Variants in TTC28 observed in about 807,000 individuals in gnomAD.
The protein encoded by TTC28 is tetratricopeptide repeat protein 28.
A neutral mutation model predicts 198.0 loss-of-function variants in TTC28; 61 were observed. That is an observed-to-expected ratio of 0.31 (90% CI 0.25 to 0.38). The LOEUF (loss-of-function observed/expected upper bound fraction) is 0.38. Ranked by LOEUF, TTC28 falls within the 10% of genes least tolerant of loss-of-function variation. The pLI, the probability that TTC28 is intolerant of heterozygous loss-of-function variation, is 1.00. For missense variants in TTC28, 2,678 were observed against 3,164.0 expected (o/e 0.85, Z 3.69); for synonymous variants, 1,171 against 1,297.8 (o/e 0.90, Z 2.10).
At chr22:28,029,180 T>C (rs1436187002) in intron 13 of TTC28, 2 of 458,964 alleles carry the variant, frequency 4.4e-6, no homozygotes, top group East Asian at 1.4e-4. Flanking sequence ...GAACTAAGGG[T>C]GAACTAGCTT....
At chr22:28,229,224 G>A (rs558657334) in intron 5 of TTC28, among the ~76,000 whole-genome samples, 1 of 152,286 alleles carries the variant, frequency 6.6e-6, no homozygotes, top group East Asian at 1.9e-4. Flanking sequence ...AAGGGAAAAA[G>A]TAAGCTAATT....
chr22:28,553,975 G>A (rs1037332755), intron 2 of TTC28, among the ~76,000 whole-genome samples: 25 of 152,256 alleles, frequency 1.6e-4, no homozygotes, highest in African/African-American at 2.2e-4. Flanking sequence ...GATGGTTGCC[G>A]TGTCTGTGTA....
At chr22:28,487,822 A>T (rs980322058) in intron 2 of TTC28, among the ~76,000 whole-genome samples, 2 of 152,218 alleles carry the variant, frequency 1.3e-5, no homozygotes, top group African/African-American at 4.8e-5. Flanking sequence ...TGGAAATGAC[A>T]AATTTAATGG....
chr22:28,516,985 T>C (rs1393892963), intron 2 of TTC28, among the ~76,000 whole-genome samples: 1 of 152,190 alleles, frequency 6.6e-6, no homozygotes, highest in Non-Finnish European at 1.5e-5. Flanking sequence ...TAAATAATAC[T>C]CATTATAACT....
At chr22:28,122,987 G>A (rs1040702082) in intron 6 of TTC28, among the ~76,000 whole-genome samples, 3 of 152,142 alleles carry the variant, frequency 2.0e-5, no homozygotes, top group Non-Finnish European at 4.4e-5. Context: ...ATTGAAATGG[G>A]GTATGAAGGA....
At chr22:28,490,925 A>G (rs1233354647) in intron 2 of TTC28, among the ~76,000 whole-genome samples, 3 of 152,238 alleles carry the variant, frequency 2.0e-5, no homozygotes, top group Admixed American at 6.5e-5. Context: ...ATCACTAGAA[A>G]TGCCTCTTTG....
rs553246825 is a variant in TTC28 at position 28,613,447 on chromosome 22, A to G, written c.381+16105T>C. 5.9e-5 allele frequency among the ~76,000 whole-genome samples: 9 copies of G among 152,272 alleles called. No individual in the cohort carries two copies. In the South Asian group the frequency reaches 1.9e-3, roughly 32 times the overall value. ...AGAGGGAATCCTCCCTACCTCATTTAATGAAGCCAGCATCATCCTGATACC... is the reference window on the plus strand; with the variant it reads ...AGAGGGAATCCTCCCTACCTCATTTGATGAAGCCAGCATCATCCTGATACC... On this transcript the variant is annotated intron_variant, in intron 2 of 22. Transcript: ENST00000397906.
At chr22:28,474,128 G>T (rs1042996297) in intron 2 of TTC28, among the ~76,000 whole-genome samples, 2 of 152,068 alleles carry the variant, frequency 1.3e-5, no homozygotes, top group Admixed American at 6.6e-5. Flanking sequence ...CCACTAAAAT[G>T]ACATTTTAAA....
intron 2 of TTC28, among the ~76,000 whole-genome samples, chr22:28,452,186 C>G (rs1051612863): frequency 4.6e-5 from 7 of 151,722 alleles, no homozygotes; most frequent in East Asian, 1.9e-4. Context: ...TCAGGAGATC[C>G]AGACCATCCT....
intron 14 of TTC28, among the ~76,000 whole-genome samples, chr22:28,004,618 A>G (rs1937859445): frequency 6.6e-6 from 1 of 152,226 alleles, no homozygotes; most frequent in Non-Finnish European, 1.5e-5. Flanking sequence ...ACTCTGTGAA[A>G]TGAGGCAGGT....
intron 2 of TTC28, among the ~76,000 whole-genome samples, chr22:28,440,334 T>C (rs1479749152): frequency 6.6e-6 from 1 of 152,202 alleles, no homozygotes; most frequent in Non-Finnish European, 1.5e-5. Flanking sequence ...GTGAAAAGGT[T>C]GCAAACCCTA....
chr22:28,452,710 T>A (rs533188402), intron 2 of TTC28, among the ~76,000 whole-genome samples: 2 of 152,164 alleles, frequency 1.3e-5, no homozygotes, highest in Admixed American at 1.3e-4. Flanking sequence ...CTTTTTACAG[T>A]TGTTAAAATG....
In TTC28 at chr22:28,629,784, C is replaced by T; in HGVS notation, c.149G>A (p.Gly50Glu). 6.4e-7 allele frequency: 1 copy of T among 1,551,676 alleles called. No homozygotes were observed. The highest frequency in any genetic ancestry group is 1.4e-5 in the African/African-American group (1 of 73,152). Residue 50 changes from glycine (G) to glutamate (E), a missense_variant, in exon 2 of 23, where the codon GGA becomes GAA. By Grantham distance (98) the Gly-to-Glu change is moderately conservative (BLOSUM62 -2). Around this residue, in one of 8 missense-constraint regions of TTC28, gnomAD observed 176 missense variants for 197.9 expected, o/e 0.89. Transcript: ENST00000397906. Reference sequence around the variant, plus strand: ...AAATTCAGCTTTGCTCAGTACCGGTCCATCAGGACTTCTCTGGCCAATAGT... The same window carrying T: ...AAATTCAGCTTTGCTCAGTACCGGTTCATCAGGACTTCTCTGGCCAATAGT... The part of the protein sequence containing the change: ...ADTIGQRSPD[G>E]PVLSKAEFVE...
Position 28,295,689 on chromosome 22 carries a change from T to C in TTC28, c.933+509A>G, listed in dbSNP as rs74385072. ...GTTACATCTACTGAATATTAACTCT[T>C]TGAACATATTATAGTTCATCTCTTT... On this transcript the variant is annotated intron_variant, in intron 5 of 22. Transcript: ENST00000397906. 9.5e-3 allele frequency among the ~76,000 whole-genome samples: 1,438 copies of C among 151,708 alleles called. 9 individuals carry two copies. The highest frequency in any genetic ancestry group is 0.016 in the Non-Finnish European group (1,055 of 68,022).
intron 1 of TTC28, among the ~76,000 whole-genome samples, chr22:28,644,398 CA>C (rs550663869): frequency 0.026 from 3,005 of 114,532 alleles, 29 homozygotes; most frequent in Middle Eastern, 0.039. Flanking sequence ...GACTCCATCT[CA>C]AAAAAAAAAA....
chr22:28,628,879 G>C (rs1202201013), intron 2 of TTC28, among the ~76,000 whole-genome samples: 1 of 151,888 alleles, frequency 6.6e-6, no homozygotes, highest in Non-Finnish European at 1.5e-5. Flanking sequence ...CTGCACTCCA[G>C]CCTTGGTGAC....
chr22:28,311,311 G>A (rs538530103), intron 2 of TTC28, among the ~76,000 whole-genome samples: 2 of 152,016 alleles, frequency 1.3e-5, no homozygotes, highest in East Asian at 3.9e-4. Flanking sequence ...GCTGATGCTA[G>A]TTTTTAAAAA....
At chr22:28,339,852 G>A (rs958723519) in intron 2 of TTC28, among the ~76,000 whole-genome samples, 29 of 152,044 alleles carry the variant, frequency 1.9e-4, no homozygotes, top group Admixed American at 2.6e-4. Context: ...GTGAGGCGAC[G>A]CCTCACCCTT....
At chr22:28,380,951 AT>A (rs1387351589) in intron 2 of TTC28, among the ~76,000 whole-genome samples, 1 of 152,068 alleles carries the variant, frequency 6.6e-6, no homozygotes, top group African/African-American at 2.4e-5. Context: ...TACTTCTAGC[AT>A]TTATTTTATG....
Sources: allele counts gnomAD v4.1 joint callset (sites outside exome capture counted in the v4.1 genomes callset), GRCh38; gene constraint gnomAD v4.1.1; regional missense constraint gnomAD v4.1.1; transcripts MANE v1.5; gene names NCBI Gene and HGNC (gene_info 2026-07-23, HGNC 2026-07-21).